Variants in RSU1 observed in about 807,000 individuals in gnomAD.
RSU1 encodes rsu-1.
Under a neutral mutation model 31.1 loss-of-function variants are expected in RSU1, and 26 were observed. The observed-to-expected ratio is 0.84, with a 90% CI of 0.61 to 1.16. The LOEUF (loss-of-function observed/expected upper bound fraction) is 1.16, where lower values mean the gene tolerates loss of function less well. RSU1 is among the 50% of genes most tolerant of loss of function. RSU1 has a pLI of 0.00. For synonymous variants in RSU1, 164 were observed against 136.3 expected (o/e 1.20, Z -1.41); for missense variants, 320 against 339.1 (o/e 0.94, Z 0.44).
intron 7 of RSU1, among the ~76,000 whole-genome samples, chr10:16,726,561 G>A (rs143295466): frequency 1.6e-4 from 25 of 152,184 alleles, no homozygotes; most frequent in Admixed American, 5.2e-4. Context: ...CACTGCGCCC[G>A]GCCAAGAACG....
chr10:16,758,333 T>C (rs1490083718), intron 4 of RSU1, among the ~76,000 whole-genome samples: 1 of 152,192 alleles, frequency 6.6e-6, no homozygotes, highest in Non-Finnish European at 1.5e-5. Context: ...GGATGGAACA[T>C]GCTGGCTGTC....
At chr10:16,772,120 A>G (rs1181731848) in intron 3 of RSU1, among the ~76,000 whole-genome samples, 4 of 152,220 alleles carry the variant, frequency 2.6e-5, no homozygotes, top group Non-Finnish European at 5.9e-5. Context: ...CCGCAAAACA[A>G]TGGCCCTACT....
intron 8 of RSU1, among the ~76,000 whole-genome samples, chr10:16,598,858 G>C (rs1833665604): frequency 6.6e-6 from 1 of 152,240 alleles, no homozygotes; most frequent in African/African-American, 2.4e-5. Flanking sequence ...CTCTGGGCCT[G>C]ACAGGGTGGC....
At chr10:16,774,526 C>T (rs1406465088) in intron 3 of RSU1, among the ~76,000 whole-genome samples, 5 of 152,166 alleles carry the variant, frequency 3.3e-5, no homozygotes, top group African/African-American at 4.8e-5. Flanking sequence ...GCCGAAATCA[C>T]GCCACCGCAT....
intron 8 of RSU1, among the ~76,000 whole-genome samples, chr10:16,674,372 A>G (rs1049585477): frequency 6.6e-6 from 1 of 151,992 alleles, no homozygotes; most frequent in African/African-American, 2.4e-5. Context: ...GAAACACTGA[A>G]AATGTGTCAC....
At chr10:16,718,577 G>A (rs981451691) in intron 7 of RSU1, among the ~76,000 whole-genome samples, 18 of 151,980 alleles carry the variant, frequency 1.2e-4, no homozygotes, top group African/African-American at 3.9e-4. Flanking sequence ...AATTTAAAAC[G>A]GTAAATGGCA....
intron 8 of RSU1, among the ~76,000 whole-genome samples, chr10:16,631,979 T>C (rs1251967311): frequency 6.6e-6 from 1 of 152,206 alleles, no homozygotes; most frequent in Non-Finnish European, 1.5e-5. Flanking sequence ...CGTAGAGTCC[T>C]GGAGCTCAGT....
chr10:16,617,864 C>T (rs1834004640), intron 8 of RSU1, among the ~76,000 whole-genome samples: 1 of 152,088 alleles, frequency 6.6e-6, no homozygotes, highest in African/African-American at 2.4e-5. Flanking sequence ...ATGTAAAACC[C>T]AAAACCATAA....
intron 8 of RSU1, among the ~76,000 whole-genome samples, chr10:16,624,503 C>T (rs773986496): frequency 1.1e-4 from 16 of 152,106 alleles, no homozygotes; most frequent in Admixed American, 2.0e-4. Context: ...CCAGGTGGTC[C>T]GTAACCACCC....
intron 7 of RSU1, among the ~76,000 whole-genome samples, chr10:16,711,290 GTTTT>G (rs984122885): frequency 1.3e-5 from 2 of 151,188 alleles, no homozygotes; most frequent in Admixed American, 1.3e-4. Flanking sequence ...CTTGAGTCTT[GTTTT>G]TTTTAGTCTA....
In RSU1 at chr10:16,674,053, G is replaced by A. The variant is rs771302901; in HGVS notation, c.731+20970C>T. Among the ~76,000 whole-genome samples, 3 of 152,268 alleles carry A rather than the reference G, an allele frequency of 2.0e-5. No homozygotes were observed. In the South Asian group the frequency reaches 6.2e-4, roughly 32 times the overall value. On this transcript the variant is annotated intron_variant, in intron 8 of 8. Coordinates refer to ENST00000345264, the MANE Select transcript of RSU1 (RefSeq NM_012425.4). ...CAATATCTAGGTCCTACACACAGAGGTGTCTGTTAGGGGATGGGAGGCCTG... is the reference window on the plus strand; with the variant it reads ...CAATATCTAGGTCCTACACACAGAGATGTCTGTTAGGGGATGGGAGGCCTG...
At chr10:16,722,082 G>A (rs1836275138) in intron 7 of RSU1, among the ~76,000 whole-genome samples, 1 of 152,176 alleles carries the variant, frequency 6.6e-6, no homozygotes, top group Admixed American at 6.5e-5. Flanking sequence ...AGTATGAAGA[G>A]ATATTTTGAG....
chr10:16,773,191 C>A (rs1256664080), intron 3 of RSU1, among the ~76,000 whole-genome samples: 1 of 150,626 alleles, frequency 6.6e-6, no homozygotes, highest in African/African-American at 2.5e-5. Context: ...AACTTGAGAC[C>A]CTGTCTCAAA....
intron 8 of RSU1, among the ~76,000 whole-genome samples, chr10:16,657,208 G>A (rs1313109582): frequency 6.6e-6 from 1 of 151,928 alleles, no homozygotes; most frequent in Admixed American, 6.5e-5. Context: ...CTAGTTCACT[G>A]CTACCGAGTT....
intron 7 of RSU1, among the ~76,000 whole-genome samples, chr10:16,714,336 G>A (rs1353867996): frequency 6.6e-6 from 1 of 152,238 alleles, no homozygotes; most frequent in Non-Finnish European, 1.5e-5. Context: ...GGATGCCAGT[G>A]TGAAATGGGG....
chr10:16,765,315 T>C (rs1031463730), intron 3 of RSU1, among the ~76,000 whole-genome samples: 2 of 152,212 alleles, frequency 1.3e-5, no homozygotes, highest in Admixed American at 6.5e-5. Context: ...GCCTCTGGAG[T>C]AATTTAACTT....
chr10:16,792,739 T>C (rs1026979395), intron 2 of RSU1, among the ~76,000 whole-genome samples: 1 of 152,252 alleles, frequency 6.6e-6, no homozygotes, highest in Non-Finnish European at 1.5e-5. Flanking sequence ...CCCAGAGTTC[T>C]AGACCACAAA....
intron 2 of RSU1, among the ~76,000 whole-genome samples, chr10:16,783,502 C>T (rs1469140794): frequency 1.3e-5 from 2 of 151,932 alleles, no homozygotes; most frequent in Non-Finnish European, 2.9e-5. Flanking sequence ...ACTACAGGTG[C>T]GTGCCACCAC....
intron 7 of RSU1, among the ~76,000 whole-genome samples, chr10:16,713,038 C>T (rs1836055317): frequency 6.6e-6 from 1 of 152,186 alleles, no homozygotes; most frequent in Admixed American, 6.5e-5. Context: ...TATATCATCC[C>T]ATTCTCTTCT....
Sources: gnomAD v4.1 joint callset for allele counts (sites outside exome capture counted in the v4.1 genomes callset) on GRCh38, gnomAD v4.1.1 for gene constraint, MANE v1.5 for transcripts, NCBI Gene and HGNC (gene_info 2026-07-23, HGNC 2026-07-21) for gene names.